FAH: variants seen among roughly 807,000 people sequenced by gnomAD.
The protein encoded by FAH is fumarylacetoacetase.
FAH carries 47 observed loss-of-function variants against 55.8 expected under a neutral mutation model. That is an observed-to-expected ratio of 0.84 (90% CI 0.67 to 1.07). The LOEUF is 1.07. FAH is among the 50% of genes least tolerant of loss of function. The pLI, the probability that FAH is intolerant of heterozygous loss-of-function variation, is 0.00. For synonymous variants in FAH, 199 were observed against 207.7 expected, an observed-to-expected ratio of 0.96 and a Z score of 0.36; for missense variants, 495 against 545.9, an observed-to-expected ratio of 0.91 and a Z score of 0.93.
rs757871102 is a variant in FAH, at chr15:80,162,292, C to T, written c.411C>T (p.Val137=). 1.9e-5 allele frequency: 31 copies of T among 1,614,200 alleles called. No individual in the cohort carries two copies. The highest frequency in any genetic ancestry group is 6.7e-5 in the East Asian group (3 of 44,884). The part of the protein sequence containing the change: ...FYSSRQHATN[V]GIMFRDKENA... ...CCTCTCGGCAGCATGCTACCAACGT[C>T]GGAATCATGTTCAGGGACAAGGAGA... is the stretch of plus-strand genomic sequence containing the variant. Residue 137 remains valine (V), a synonymous_variant, in exon 5 of 14, where the codon GTC becomes GTT. Coordinates refer to ENST00000561421, the MANE Select transcript of FAH (RefSeq NM_000137.4).
chr15:80,158,012 C>A, intron 1 of FAH, 48 bp from the exon 2 acceptor site: 1 of 1,443,108 alleles, frequency 6.9e-7, no homozygotes, highest in Non-Finnish European at 9.8e-7. Context: ...ATGAGCCAAG[C>A]CCAGCCAGGG....
chr15:80,152,992 C>G (rs532122242), upstream of FAH: 14 of 1,466,930 alleles, frequency 9.5e-6, no homozygotes, highest in African/African-American at 1.4e-4. Context: ...CCACAGCGGC[C>G]GAGTTCAGTC....
chr15:80,181,890 G>A (rs2041334291), intron 13 of FAH, among the ~76,000 whole-genome samples: 1 of 152,132 alleles, frequency 6.6e-6, no homozygotes, highest in African/African-American at 2.4e-5. Context: ...TGGGATTACA[G>A]GCGCGCTAAT....
At chr15:80,177,672 T>C in intron 11 of FAH, 89 bp downstream of exon 11, 2 of 1,259,392 alleles carry the variant, frequency 1.6e-6, no homozygotes, top group Non-Finnish European at 2.3e-6. Flanking sequence ...GAGCATTCCT[T>C]TTGGGATATG....
chr15:80,175,605 C>T (rs1452439709), intron 10 of FAH, among the ~76,000 whole-genome samples: 1 of 152,198 alleles, frequency 6.6e-6, no homozygotes, highest in Non-Finnish European at 1.5e-5. Flanking sequence ...CCACCCTGGG[C>T]CAGCCCTGAC....
chr15:80,156,368 T>A (rs1382659113), intron 1 of FAH: 1 of 153,576 alleles, frequency 6.5e-6, no homozygotes, highest in African/African-American at 2.4e-5. Flanking sequence ...TTGTCCATGA[T>A]CATCTGTATA....
chr15:80,165,711 CAAA>C (rs746350394), intron 5 of FAH, among the ~76,000 whole-genome samples: 2 of 127,338 alleles, frequency 1.6e-5, no homozygotes, highest in Non-Finnish European at 3.4e-5. Flanking sequence ...CACCCCCCAC[CAAA>C]AAAAAAAAAA....
rs371100968 is a variant in FAH, at chr15:80,153,015, C to A, written c.-40C>A. On this transcript the variant is annotated 5_prime_UTR_variant, in exon 1 of 14. Transcript: ENST00000561421. The stretch of plus-strand genomic sequence containing the variant: ...GCCGAGTTCAGTCCTGCTCTCCGCA[C>A]GCCACCTTAGGCCCGCAGCCGTGCC... 2 of 1,584,424 alleles carry A rather than the reference C, an allele frequency of 1.3e-6. No individual in the cohort carries two copies. The highest frequency in any genetic ancestry group is 1.1e-5 in the South Asian group (1 of 90,594).
chr15:80,165,731 G>C (rs1326720650), intron 5 of FAH, among the ~76,000 whole-genome samples: 1 of 151,434 alleles, frequency 6.6e-6, no homozygotes, highest in Non-Finnish European at 1.5e-5. Flanking sequence ...AAAAGGTACA[G>C]TAATAAAAGT....
rs535073460 is a variant in FAH at position 80,184,417 on chromosome 15, G to C, written c.1181-1713G>C. Among the ~76,000 whole-genome samples, 31 of 152,246 alleles carry C rather than the reference G, an allele frequency of 2.0e-4. No homozygotes were observed. The South Asian group carries it at 6.4e-3, about 32-fold the overall frequency. On this transcript the variant is annotated intron_variant, in intron 13 of 13. Coordinates refer to ENST00000561421, the MANE Select transcript of FAH (RefSeq NM_000137.4). ...GCCTTGCCTGGCACAGAATTCCTGC[G>C]CAAGGCTGACCAGGGGTCCCAGGGT...
chr15:80,173,175 A>T (rs757121915), intron 9 of FAH, 31 bp downstream of exon 9: 14 of 1,613,978 alleles, frequency 8.7e-6, no homozygotes, highest in Middle Eastern at 1.6e-4. Context: ...AAGCTCCCAA[A>T]CCCAGCCCTG....
chr15:80,174,981 G>A, intron 9 of FAH, 35 bp from the exon 10 acceptor site: 1 of 1,605,730 alleles, frequency 6.2e-7, no homozygotes, highest in Non-Finnish European at 8.5e-7. Flanking sequence ...CAGCCCACCT[G>A]CCAGTGACCT....
intron 11 of FAH, 147 bp downstream of exon 11, chr15:80,177,730 T>C (rs920900869): frequency 3.9e-6 from 3 of 761,076 alleles, no homozygotes; most frequent in Non-Finnish European, 6.9e-6. Flanking sequence ...CTGTCTCTTT[T>C]AGGAGTGGCC....
intron 3 of FAH, 29 bp from the exon 4 acceptor site, chr15:80,160,381 A>T (rs1434551124): frequency 6.2e-7 from 1 of 1,613,492 alleles, no homozygotes; most frequent in Non-Finnish European, 8.5e-7. Context: ...TGCCTACTTG[A>T]CTTTGAAGCC....
intron 1 of FAH, among the ~76,000 whole-genome samples, chr15:80,154,612 G>A (rs1439839583): frequency 6.6e-6 from 1 of 152,224 alleles, no homozygotes; most frequent in African/African-American, 2.4e-5. Flanking sequence ...GCCTTGCCAG[G>A]CAAGACTAGT....
At chr15:80,160,910 G>T (rs2041143333) in intron 4 of FAH, among the ~76,000 whole-genome samples, 1 of 152,218 alleles carries the variant, frequency 6.6e-6, no homozygotes, top group Admixed American at 6.5e-5. Flanking sequence ...AGCAGAGAGA[G>T]AGGCTGGCTC....
At chr15:80,185,260 T>A (rs992354320) in intron 13 of FAH, among the ~76,000 whole-genome samples, 1 of 152,186 alleles carries the variant, frequency 6.6e-6, no homozygotes. Context: ...GAATTTCAAA[T>A]AGGGACTGGA....
chr15:80,186,404 A>C, downstream of FAH: 2 of 659,482 alleles, frequency 3.0e-6, no homozygotes, highest in Non-Finnish European at 5.5e-6. Flanking sequence ...CAAGGTGTGT[A>C]AAGCCTCCCT....
chr15:80,168,398 G>A, intron 7 of FAH, 82 bp downstream of exon 7: 1 of 1,426,630 alleles, frequency 7.0e-7, no homozygotes, highest in South Asian at 1.1e-5. Flanking sequence ...CCCGCACCAT[G>A]AGCCGCCCAC....
Sources: allele counts gnomAD v4.1 joint callset (sites outside exome capture counted in the v4.1 genomes callset), GRCh38; gene constraint gnomAD v4.1.1; transcripts MANE v1.5; gene names NCBI Gene and HGNC (gene_info 2026-07-23, HGNC 2026-07-21).